CLSPN: variants seen among roughly 807,000 people sequenced by gnomAD.
CLSPN encodes claspin homolog.
In CLSPN, 85 loss-of-function variants were observed where a neutral mutation model predicts 156.3. The observed-to-expected ratio is 0.54, with a 90% CI of 0.46 to 0.65. The LOEUF is 0.65. Ranked by LOEUF, CLSPN falls within the 30% of genes least tolerant of loss-of-function variation. The probability of loss-of-function intolerance (pLI) is 0.00; values close to 1 mark genes in which losing one functional copy is unlikely to be tolerated. For missense variants in CLSPN, 1,407 were observed against 1,554.9 expected (o/e 0.90, Z 1.60); for synonymous variants, 534 against 542.4 (o/e 0.98, Z 0.22).
Position 35,735,402 on chromosome 1 carries a change from C to T in CLSPN, c.*1094G>A. On this transcript the variant is annotated 3_prime_UTR_variant, in exon 25 of 25. Transcript: ENST00000318121. ...CAGCCCATCTGTTGGTTCCTAGGTC[C>T]TCCATCTAAGAAATCGTTCTTTTGG... is the stretch of plus-strand genomic sequence containing the variant. 1.0e-6 allele frequency: 1 copy of T among 985,328 alleles called. No individual in the cohort carries two copies. The highest frequency in any genetic ancestry group is 1.2e-6 in the Non-Finnish European group (1 of 829,898). The allele number at this position is 985,328 out of a possible 1,614,324, so 61.0% of individuals were successfully genotyped here. A position where few individuals can be genotyped will look rare whatever the true frequency, so the allele number is the denominator to read the frequency against.
chr1:35,764,241 T>C (rs751788168), intron 3 of CLSPN, 25 bp downstream of exon 3: 5 of 1,453,224 alleles, frequency 3.4e-6, no homozygotes, highest in African/African-American at 2.8e-5. Context: ...ACCCAAGCAA[T>C]AGCAAATTAT....
In CLSPN at chr1:35,733,027, T is replaced by G. The variant is rs1472620058; in HGVS notation, c.*3469A>C. On this transcript the variant is annotated 3_prime_UTR_variant, in exon 25 of 25. Transcript: ENST00000318121. Reference sequence around the variant, plus strand: ...TCGCCCATGCTGGAGAGCAGTGGCGTGATCTCGGCTCACTGCAACCTCTGC... The same window carrying G: ...TCGCCCATGCTGGAGAGCAGTGGCGGGATCTCGGCTCACTGCAACCTCTGC... 1.2e-6 allele frequency: 1 copy of G among 862,902 alleles called. No individual in the cohort carries two copies. The highest frequency in any genetic ancestry group is 1.2e-4 in the East Asian group (1 of 8,286). 53.5% of individuals were successfully genotyped at this position (862,902 alleles called of 1,614,324 possible).
In CLSPN at chr1:35,748,408, A is replaced by G; in HGVS notation, c.2469T>C (p.Ser823=). The change falls in exon 13 of 25, where the codon TCT becomes TCC. Residue 823 remains serine (S), a synonymous_variant. Transcript: ENST00000318121. The part of the protein sequence containing the change: ...LFRASLVSSA[S]KSSGKLSEPS... ...AGAAAAACCATTACCATCTTACCTTAGAAGCTGAGCTGACCAAACTGGCTC... is the reference window on the plus strand; with the variant it reads ...AGAAAAACCATTACCATCTTACCTTGGAAGCTGAGCTGACCAAACTGGCTC... 1 of 1,613,464 alleles carries G rather than the reference A, an allele frequency of 6.2e-7. No individual in the cohort carries two copies. Among genetic ancestry groups the G allele is most frequent in the Non-Finnish European group, 8.5e-7 (1 of 1,179,388 alleles).
At chr1:35,736,864 G>A in intron 24 of CLSPN, 50 bp downstream of exon 24, 1 of 1,561,516 alleles carries the variant, frequency 6.4e-7, no homozygotes, top group Non-Finnish European at 8.7e-7. Context: ...TTAAATAAAT[G>A]AATAAATTCT....
At chr1:35,754,047 TAC>T in intron 8 of CLSPN, 111 bp from the exon 9 acceptor site, 5 of 941,448 alleles carry the variant, frequency 5.3e-6, no homozygotes, top group African/African-American at 1.7e-5. Context: ...AAACCACACA[TAC>T]ACAGAGAAAC....
intron 3 of CLSPN, 97 bp from the exon 4 acceptor site, chr1:35,763,418 A>C: frequency 2.4e-6 from 2 of 834,454 alleles, no homozygotes; most frequent in Non-Finnish European, 3.5e-6. Flanking sequence ...GAAAAAGCCC[A>C]TGTTTCATCA....
chr1:35,725,779 C>G (rs1641169412), intron 24 of CLSPN, among the ~76,000 whole-genome samples: 1 of 152,170 alleles, frequency 6.6e-6, no homozygotes, highest in Admixed American at 6.5e-5. Context: ...AATGGAGGAG[C>G]TGGAGTTGGG....
Position 35,760,464 on chromosome 1 carries a change from G to A in CLSPN, c.1457C>T (p.Pro486Leu). 6.2e-7 allele frequency: 1 copy of A among 1,614,116 alleles called. No individual in the cohort carries two copies. Among genetic ancestry groups the A allele is most frequent in the Non-Finnish European group, 8.5e-7 (1 of 1,180,018 alleles). The stretch of plus-strand genomic sequence containing the variant: ...CAGAGTAAACCGTCTCACTTTTTCA[G>A]GTGGCCCAACTGCTGATGATTTATT... ...QQNKSSAVGP[P>L]EKVRRFTLDR... Residue 486 changes from proline to leucine, a missense_variant, in exon 8 of 25, where the codon CCT becomes CTT. This residue lies in a region of CLSPN where 1,096 missense variants were observed against 1,193.0 expected (regional missense o/e 0.92). Transcript: ENST00000318121.
chr1:35,758,890 TC>T (rs1340585521), intron 8 of CLSPN, among the ~76,000 whole-genome samples: 1 of 150,602 alleles, frequency 6.6e-6, no homozygotes, highest in Non-Finnish European at 1.5e-5. Flanking sequence ...TGCCTCAGCC[TC>T]CCGAGTAGCT....
At chr1:35,751,583 T>C in intron 9 of CLSPN, 77 bp from the exon 10 acceptor site, 1 of 1,506,874 alleles carries the variant, frequency 6.6e-7, no homozygotes, top group Non-Finnish European at 8.8e-7. Context: ...CCAGAAATAT[T>C]CTAGTCACAT....
intron 8 of CLSPN, 128 bp downstream of exon 8, chr1:35,760,214 A>T: frequency 1.4e-6 from 1 of 692,474 alleles, no homozygotes; most frequent in South Asian, 2.1e-5. Context: ...CCATATCTGG[A>T]ACAACTGCAG....
At chr1:35,726,951 G>A (rs544980674) in intron 24 of CLSPN, among the ~76,000 whole-genome samples, 217 of 152,312 alleles carry the variant, frequency 1.4e-3, no homozygotes, top group African/African-American at 4.6e-3. Context: ...GGTGTGGGGC[G>A]TGAAGTTGCC....
In CLSPN at chr1:35,732,892, C is replaced by G. The variant is rs1423457923; in HGVS notation, c.*3604G>C. The G allele has an allele frequency of 1.0e-6, 1 of 985,428 alleles. No individual in the cohort carries two copies. Among genetic ancestry groups the G allele is most frequent in the African/African-American group, 1.7e-5 (1 of 57,360 alleles). The allele number at this position is 985,428 out of a possible 1,614,324, so 61.0% of individuals were successfully genotyped here. A position where few individuals can be genotyped will look rare whatever the true frequency, so the allele number is the denominator to read the frequency against. ...CCATCCTGGCATAAGGAAAAGTAAC[C>G]CAGAGTTTGACTCAAGTTTTCTTTC... On this transcript the variant is annotated 3_prime_UTR_variant, in exon 25 of 25. Coordinates refer to ENST00000318121, the MANE Select transcript of CLSPN (RefSeq NM_022111.4).
At chr1:35,756,641 C>T (rs1642278929) in intron 8 of CLSPN, among the ~76,000 whole-genome samples, 1 of 152,172 alleles carries the variant, frequency 6.6e-6, no homozygotes, top group South Asian at 2.1e-4. Context: ...ATTCACATTG[C>T]TCTTGTCCAG....
chr1:35,733,246 G>C lies in CLSPN; in HGVS notation c.*3250C>G, dbSNP rs1641360402. On this transcript the variant is annotated 3_prime_UTR_variant, in exon 25 of 25. Coordinates refer to ENST00000318121, the MANE Select transcript of CLSPN (RefSeq NM_022111.4). ...GCCTCCCAAAGTGCTGAGATTACAG[G>C]CATAAGCCACCACGCCCAGCCCAGA... Among the ~76,000 whole-genome samples the C allele has an allele frequency of 6.6e-6, 1 of 151,508 alleles. No individual in the cohort carries two copies. Among genetic ancestry groups the C allele is most frequent in the South Asian group, 2.1e-4 (1 of 4,800 alleles).
intron 2 of CLSPN, 70 bp downstream of exon 2, chr1:35,765,148 A>G: frequency 3.4e-6 from 3 of 881,182 alleles, no homozygotes; most frequent in Non-Finnish European, 5.5e-6. Flanking sequence ...AGAATAATGA[A>G]ATCAATCCAA....
chr1:35,752,584 A>G lies in CLSPN; in HGVS notation c.1772-1078T>C, dbSNP rs1382191837. Among the ~76,000 whole-genome samples, 18 of 6,802 alleles carry G rather than the reference A, an allele frequency of 2.6e-3. No individual in the cohort carries two copies. The South Asian group carries it at 0.096, about 36-fold the overall frequency. The allele number at this position is 6,802 out of a possible 152,430, so 4.5% of individuals were successfully genotyped here. A position where few individuals can be genotyped will look rare whatever the true frequency, so the allele number is the denominator to read the frequency against. ...CAGTGCAGGACTCTGTCTTAGAGGA[A>G]AAAAAAAAAAAAAAAAAAAAGCCTC... On this transcript the variant is annotated intron_variant, in intron 9 of 24. Coordinates refer to ENST00000318121, the MANE Select transcript of CLSPN (RefSeq NM_022111.4).
At chr1:35,766,452 C>CT (rs201225830) in intron 1 of CLSPN, among the ~76,000 whole-genome samples, 2,541 of 150,962 alleles carry the variant, frequency 0.017, 49 homozygotes, top group African/African-American at 0.057. Context: ...GTGTATATTT[C>CT]TTTTTTTTTG....
intron 16 of CLSPN, among the ~76,000 whole-genome samples, chr1:35,744,219 A>G (rs1197628417): frequency 2.0e-5 from 3 of 152,160 alleles, no homozygotes; most frequent in Non-Finnish European, 4.4e-5. Flanking sequence ...ATCTCATGTA[A>G]GTGGACTCAT....
Sources: allele counts gnomAD v4.1 joint callset (sites outside exome capture counted in the v4.1 genomes callset), GRCh38; gene constraint gnomAD v4.1.1; regional missense constraint gnomAD v4.1.1; transcripts MANE v1.5; gene names NCBI Gene and HGNC (gene_info 2026-07-23, HGNC 2026-07-21).